The following PTGER3 variants were observed in gnomAD, a reference collection of about 807,000 sequenced individuals.
PTGER3 encodes prostaglandin E receptor 3, also known as prostaglandin E2 receptor EP3 subtype.
A neutral mutation model predicts 34.7 loss-of-function variants in PTGER3; 22 were observed. That is an observed-to-expected ratio of 0.63 (90% confidence interval 0.45 to 0.91). The LOEUF is 0.91. Among genes scored for constraint, PTGER3 ranks in the 40% least tolerant of loss-of-function variants. The pLI is 0.00. For synonymous variants in PTGER3, 241 were observed against 230.1 expected, an observed-to-expected ratio of 1.05 and a Z score of -0.43; for missense variants, 468 against 519.4, an observed-to-expected ratio of 0.90 and a Z score of 0.96.
At chr1:71,025,636 A>G (rs1557754020) in intron 1 of PTGER3, among the ~76,000 whole-genome samples, 1 of 152,198 alleles carries the variant, frequency 6.6e-6, no homozygotes. Context: ...AAGACGAATA[A>G]TAACAAAACA....
chr1:70,880,621 C>A (rs546983543), intron 4 of PTGER3, among the ~76,000 whole-genome samples: 1 of 148,040 alleles, frequency 6.8e-6, no homozygotes, highest in Non-Finnish European at 1.5e-5. Flanking sequence ...ACCCAGGAGG[C>A]GGAGGTTGCA....
intron 4 of PTGER3, among the ~76,000 whole-genome samples, chr1:70,944,555 C>A (rs1206463472): frequency 6.6e-6 from 1 of 152,044 alleles, no homozygotes. Context: ...TTTTTTAAAT[C>A]TGAATTTTGG....
At chr1:71,038,710 A>C (rs556623948) in intron 1 of PTGER3, among the ~76,000 whole-genome samples, 20 of 152,188 alleles carry the variant, frequency 1.3e-4, no homozygotes, top group Non-Finnish European at 2.6e-4. Flanking sequence ...GCAGGCCACA[A>C]ATAATATTAA....
intron 1 of PTGER3, among the ~76,000 whole-genome samples, chr1:71,045,970 A>C (rs1660744588): frequency 6.6e-6 from 1 of 151,158 alleles, no homozygotes; most frequent in Non-Finnish European, 1.5e-5. Context: ...TGAAAATCTT[A>C]TTAACGTGAA....
intron 4 of PTGER3, among the ~76,000 whole-genome samples, chr1:70,915,596 C>T (rs1180350702): frequency 6.6e-6 from 1 of 151,972 alleles, no homozygotes; most frequent in Non-Finnish European, 1.5e-5. Flanking sequence ...CTTTACTTGA[C>T]TGTTGAGGAA....
chr1:70,864,563 A>G (rs1392520680), intron 4 of PTGER3, among the ~76,000 whole-genome samples: 1 of 152,204 alleles, frequency 6.6e-6, no homozygotes, highest in African/African-American at 2.4e-5. Flanking sequence ...CTCTGTAAAC[A>G]AACATTTGTT....
At chr1:70,872,771 C>T (rs1274079718) in intron 4 of PTGER3, among the ~76,000 whole-genome samples, 2 of 152,204 alleles carry the variant, frequency 1.3e-5, no homozygotes, top group Admixed American at 6.5e-5. Context: ...GAAGTCACTA[C>T]TGGGACTTGC....
intron 4 of PTGER3, among the ~76,000 whole-genome samples, chr1:70,897,715 A>G (rs1337586458): frequency 6.6e-6 from 1 of 152,198 alleles, no homozygotes; most frequent in Non-Finnish European, 1.5e-5. Flanking sequence ...CACCTGCTCC[A>G]GGAATGTTTC....
At chr1:70,907,664 C>T (rs116447556) in intron 4 of PTGER3, among the ~76,000 whole-genome samples, 72 of 152,248 alleles carry the variant, frequency 4.7e-4, no homozygotes, top group Middle Eastern at 3.4e-3. Flanking sequence ...TGAGCATGTC[C>T]GGGGGAGCAA....
intron 2 of PTGER3, among the ~76,000 whole-genome samples, chr1:70,963,051 G>A (rs657265): frequency 0.92 from 139,500 of 152,164 alleles, 64,065 homozygotes; most frequent in African/African-American, 0.97. Flanking sequence ...TGAAGGGGAT[G>A]CAGGCCCCAC....
intron 1 of PTGER3, among the ~76,000 whole-genome samples, chr1:71,014,757 G>C (rs1657744556): frequency 6.6e-6 from 1 of 152,198 alleles, no homozygotes. Flanking sequence ...TGAATGGTGA[G>C]AAATAAATGT....
intron 4 of PTGER3, among the ~76,000 whole-genome samples, chr1:70,940,160 C>T (rs1649622063): frequency 6.6e-6 from 1 of 152,178 alleles, no homozygotes; most frequent in Non-Finnish European, 1.5e-5. Context: ...GGGCAAAATG[C>T]CACCAGTTTC....
At chr1:70,882,819 T>G (rs1320763246) in intron 4 of PTGER3, among the ~76,000 whole-genome samples, 1 of 152,172 alleles carries the variant, frequency 6.6e-6, no homozygotes, top group African/African-American at 2.4e-5. Flanking sequence ...GATAGGCTGG[T>G]GTCCAGCTTT....
chr1:71,012,584 T>G, intron 1 of PTGER3, 100 bp from the exon 2 acceptor site: 2 of 1,035,054 alleles, frequency 1.9e-6, no homozygotes, highest in Non-Finnish European at 2.8e-6. Context: ...ATAAATTGGT[T>G]GTTGGATTGA....
At chr1:71,010,830 G>A (rs964276584) in intron 2 of PTGER3, 77 of 984,506 alleles carry the variant, frequency 7.8e-5, no homozygotes, top group Non-Finnish European at 8.4e-5. Context: ...GACATAGGCT[G>A]GTGTATATAT....
chr1:70,917,968 A>G (rs1453866163), intron 4 of PTGER3, among the ~76,000 whole-genome samples: 1 of 152,036 alleles, frequency 6.6e-6, no homozygotes, highest in Non-Finnish European at 1.5e-5. Context: ...TCAGGTGTAT[A>G]GTTTGCAAGT....
At chr1:70,969,463 A>G (rs951411600), downstream of PTGER3, among the ~76,000 whole-genome samples, 12 of 152,190 alleles carry the variant, frequency 7.9e-5, no homozygotes, top group Admixed American at 2.6e-4. Context: ...GTGGAAAAAA[A>G]TTAAGAAACG....
chr1:70,993,350 T>C (rs1655639845), intron 2 of PTGER3, among the ~76,000 whole-genome samples: 1 of 152,220 alleles, frequency 6.6e-6, no homozygotes, highest in African/African-American at 2.4e-5. Flanking sequence ...ACATGGGACA[T>C]GGGTGAATAT....
intron 2 of PTGER3, among the ~76,000 whole-genome samples, chr1:70,961,911 G>A (rs1486145587): frequency 6.6e-6 from 1 of 152,138 alleles, no homozygotes; most frequent in African/African-American, 2.4e-5. Context: ...CTATCTCTTA[G>A]ATCCAAATTC....
Sources: gnomAD v4.1 joint callset for allele counts (sites outside exome capture counted in the v4.1 genomes callset) on GRCh38, gnomAD v4.1.1 for gene constraint, MANE v1.5 for transcripts, NCBI Gene and HGNC (gene_info 2026-07-23, HGNC 2026-07-21) for gene names.